WDHD1: variants seen among roughly 807,000 people sequenced by gnomAD.
WDHD1 encodes the protein WD repeat and HMG-box DNA binding protein 1.
A neutral mutation model predicts 135.4 loss-of-function variants in WDHD1; 111 were observed. The observed-to-expected ratio is 0.82, with a 90% confidence interval of 0.70 to 0.96. The LOEUF (loss-of-function observed/expected upper bound fraction) is 0.96. Among genes scored for constraint, WDHD1 ranks in the 40% least tolerant of loss-of-function variants. The probability of loss-of-function intolerance (pLI) is 0.00; values close to 1 mark genes in which losing one functional copy is unlikely to be tolerated. For missense variants in WDHD1, 1,351 were observed against 1,336.3 expected (o/e 1.01, Z -0.17); for synonymous variants, 434 against 439.0 (o/e 0.99, Z 0.14).
chr14:55,015,446 G>C (rs557548872), intron 2 of WDHD1, among the ~76,000 whole-genome samples: 12 of 145,432 alleles, frequency 8.3e-5, no homozygotes, highest in Non-Finnish European at 1.8e-4. Context: ...TGTACTTCCA[G>C]CTTCTGCCAT....
chr14:55,024,494 T>G (rs956343370), intron 2 of WDHD1, among the ~76,000 whole-genome samples: 3 of 152,336 alleles, frequency 2.0e-5, no homozygotes, highest in African/African-American at 4.8e-5. Context: ...ATGTTTACTC[T>G]TTTCTACACA....
At chr14:54,959,432 G>A (rs1463810631) in intron 21 of WDHD1, among the ~76,000 whole-genome samples, 1 of 148,100 alleles carries the variant, frequency 6.8e-6, no homozygotes, top group African/African-American at 2.5e-5. Context: ...AAGAAGGAAG[G>A]GAGGGAGGGA....
chr14:54,962,451 G>A lies in WDHD1; in HGVS notation c.2701+47C>T, dbSNP rs764451506. On this transcript the variant is annotated intron_variant, in intron 21 of 25. Transcript: ENST00000360586. Reference sequence around the variant, plus strand: ...TGCGTAGATGTGTCACTTTGCAGATGACTTGCAAAATTTCCTTGATATTAC... The same window carrying A: ...TGCGTAGATGTGTCACTTTGCAGATAACTTGCAAAATTTCCTTGATATTAC... The A allele has an allele frequency of 2.8e-6, 4 of 1,435,328 alleles. No individual in the cohort carries two copies. In the African/African-American group the frequency reaches 4.2e-5, roughly 15 times the overall value. The allele number at this position is 1,435,328 out of a possible 1,614,324, so 88.9% of individuals were successfully genotyped here.
intron 2 of WDHD1, among the ~76,000 whole-genome samples, chr14:55,020,896 C>A (rs2140232974): frequency 6.6e-6 from 1 of 152,166 alleles, no homozygotes; most frequent in South Asian, 2.1e-4. Context: ...TCAGGAAAAT[C>A]ATAAAGAGGA....
chr14:55,008,865 A>T (rs926537228), intron 4 of WDHD1, 146 bp from the exon 5 acceptor site: 1 of 576,814 alleles, frequency 1.7e-6, no homozygotes, highest in African/African-American at 1.9e-5. Flanking sequence ...CAGTGGTGCG[A>T]TCTCAACTGC....
chr14:54,967,496 T>A, intron 16 of WDHD1, 102 bp from the exon 17 acceptor site: 1 of 686,036 alleles, frequency 1.5e-6, no homozygotes, highest in Non-Finnish European at 2.4e-6. Flanking sequence ...AATAGTAATA[T>A]TATAATAGCT....
At chr14:54,976,104 G>A (rs574951075) in intron 16 of WDHD1, among the ~76,000 whole-genome samples, 3 of 152,134 alleles carry the variant, frequency 2.0e-5, no homozygotes, top group East Asian at 1.9e-4. Flanking sequence ...AGTGTCACTC[G>A]AGAGCTCGAG....
At chr14:54,949,996 C>A (rs1036070805) in intron 24 of WDHD1, among the ~76,000 whole-genome samples, 2 of 152,030 alleles carry the variant, frequency 1.3e-5, no homozygotes, top group African/African-American at 4.8e-5. Flanking sequence ...GAAAGAAGCA[C>A]TAAACATGGA....
At chr14:54,992,353 G>A (rs1300466425) in intron 11 of WDHD1, among the ~76,000 whole-genome samples, 6 of 152,126 alleles carry the variant, frequency 3.9e-5, no homozygotes, top group African/African-American at 1.4e-4. Flanking sequence ...AGCCTGGCAT[G>A]GTGGCGGGCA....
At chr14:55,004,820 C>A in intron 7 of WDHD1, 1 of 483,384 alleles carries the variant, frequency 2.1e-6, no homozygotes, top group Non-Finnish European at 4.1e-6. Flanking sequence ...AGCTTAAGAT[C>A]ACTCAGTGGT....
intron 16 of WDHD1, among the ~76,000 whole-genome samples, chr14:54,974,325 C>T (rs1402666743): frequency 2.0e-5 from 3 of 151,242 alleles, no homozygotes; most frequent in African/African-American, 7.3e-5. Context: ...TTTAGCTACT[C>T]GGAAGGCGGA....
chr14:55,000,405 G>C, intron 10 of WDHD1, 98 bp downstream of exon 10: 1 of 1,270,038 alleles, frequency 7.9e-7, no homozygotes, highest in Non-Finnish European at 1.0e-6. Context: ...AACATGAAAG[G>C]TAATTTTCCA....
intron 7 of WDHD1, among the ~76,000 whole-genome samples, chr14:55,006,902 G>C (rs921331605): frequency 1.3e-5 from 2 of 151,960 alleles, no homozygotes; most frequent in African/African-American, 4.8e-5. Flanking sequence ...TACACTCAAA[G>C]TTGAAAAGGA....
rs1187753209 is a variant in WDHD1 at position 54,963,233 on chromosome 14, T to C, written c.2311-61A>G. 6 of 1,265,338 alleles carry C rather than the reference T, an allele frequency of 4.7e-6. No homozygotes were observed. In the African/African-American group the frequency reaches 7.8e-5, roughly 16 times the overall value. The allele number at this position is 1,265,338 out of a possible 1,614,324, so 78.4% of individuals were successfully genotyped here. A position where few individuals can be genotyped will look rare whatever the true frequency, so the allele number is the denominator to read the frequency against. On this transcript the variant is annotated intron_variant, in intron 18 of 25. Coordinates refer to ENST00000360586, the MANE Select transcript of WDHD1 (RefSeq NM_007086.4). ...AACATCAAGTAAAACTTTTTAAAGA[T>C]ACTGACACTACTAGTAAAACTGAGA...
chr14:55,020,070 A>G (rs749471772), intron 2 of WDHD1, among the ~76,000 whole-genome samples: 1 of 152,190 alleles, frequency 6.6e-6, no homozygotes, highest in African/African-American at 2.4e-5. Flanking sequence ...CATGAGGTTC[A>G]TGGTGAGGCA....
At position 54,987,144 on chromosome 14, in the gene WDHD1, A is replaced by G; in HGVS notation, c.1768+2T>C. 2 of 1,612,914 alleles carry G rather than the reference A, an allele frequency of 1.2e-6. No individual in the cohort carries two copies. The highest frequency in any genetic ancestry group is 1.1e-5 in the South Asian group (1 of 90,632). On this transcript the variant is annotated splice_donor_variant, in intron 14 of 25. Transcript: ENST00000360586. LOFTEE classifies it high-confidence loss of function. ...AGTCATAAAAGACTGAAAAAAATCT[A>G]CCTCTGTGATAAACAATGAAAAGCT...
intron 7 of WDHD1, among the ~76,000 whole-genome samples, chr14:55,002,521 T>C (rs2041994331): frequency 1.3e-5 from 2 of 152,144 alleles, no homozygotes; most frequent in African/African-American, 2.4e-5. Context: ...TAATTTGTCA[T>C]GGGAAGAGAA....
intron 16 of WDHD1, among the ~76,000 whole-genome samples, chr14:54,969,507 C>A (rs1167611003): frequency 6.6e-6 from 1 of 152,068 alleles, no homozygotes; most frequent in Non-Finnish European, 1.5e-5. Context: ...CTTCCCAAGA[C>A]TGACTCAGAA....
chr14:54,997,234 T>A (rs1166199124), intron 10 of WDHD1, among the ~76,000 whole-genome samples: 1 of 151,826 alleles, frequency 6.6e-6, no homozygotes, highest in Non-Finnish European at 1.5e-5. Flanking sequence ...TACCTGGGTT[T>A]ACAGGCCTAC....
Sources: gnomAD v4.1 joint callset for allele counts (sites outside exome capture counted in the v4.1 genomes callset) on GRCh38, gnomAD v4.1.1 for gene constraint, MANE v1.5 for transcripts, NCBI Gene and HGNC (gene_info 2026-07-23, HGNC 2026-07-21) for gene names.